ABTB3: variants seen among roughly 807,000 people sequenced by gnomAD.
The protein encoded by ABTB3 is ankyrin repeat- and BTB/POZ domain-containing protein 3.
chr12:107,412,809 A>G, the ABTB3 span, among the ~76,000 whole-genome samples: 1 of 151,844 alleles, frequency 6.6e-6, no homozygotes, highest in East Asian at 1.9e-4. Context: ...CTACCCATCT[A>G]GTGTCTGGAT....
the ABTB3 span, among the ~76,000 whole-genome samples, chr12:107,462,157 TG>T: frequency 6.6e-6 from 1 of 152,262 alleles, no homozygotes; most frequent in African/African-American, 2.4e-5. Context: ...TCCTCATTTT[TG>T]TACTGTTTTA....
At chr12:107,457,396 T>C in the ABTB3 span, among the ~76,000 whole-genome samples, 1 of 152,244 alleles carries the variant, frequency 6.6e-6, no homozygotes, top group Non-Finnish European at 1.5e-5. Context: ...TGCCGAAAGA[T>C]AGACTCCGAA....
the ABTB3 span, among the ~76,000 whole-genome samples, chr12:107,370,432 G>C: frequency 6.6e-6 from 1 of 152,260 alleles, no homozygotes; most frequent in South Asian, 2.1e-4. Flanking sequence ...GGTAGATGTA[G>C]ATGCTTAGCC....
At chr12:107,564,084 ATC>A in the ABTB3 span, among the ~76,000 whole-genome samples, 1,857 of 104,846 alleles carry the variant, frequency 0.018, 49 homozygotes, top group Admixed American at 0.053. Flanking sequence ...CTCTCTATCT[ATC>A]TCTCTGTGTG....
the ABTB3 span, among the ~76,000 whole-genome samples, chr12:107,548,026 G>T: frequency 6.6e-6 from 1 of 152,206 alleles, no homozygotes; most frequent in Non-Finnish European, 1.5e-5. Context: ...AGGTTTTAGT[G>T]TTTAGCACTG....
the ABTB3 span, among the ~76,000 whole-genome samples, chr12:107,491,523 A>G: frequency 6.6e-6 from 1 of 152,104 alleles, no homozygotes; most frequent in Non-Finnish European, 1.5e-5. Flanking sequence ...CGGGTTAACA[A>G]CCATGAGCCA....
At chr12:107,639,878 G>C in the ABTB3 span, among the ~76,000 whole-genome samples, 7 of 152,178 alleles carry the variant, frequency 4.6e-5, no homozygotes, top group African/African-American at 1.7e-4. Context: ...GAAGGGAACA[G>C]GCTCATTTGT....
At chr12:107,540,351 T>C in the ABTB3 span, among the ~76,000 whole-genome samples, 1 of 152,184 alleles carries the variant, frequency 6.6e-6, no homozygotes, top group South Asian at 2.1e-4. Context: ...CTTTTTGTTC[T>C]ATCCAGGCCT....
chr12:107,616,234 G>A, the ABTB3 span, among the ~76,000 whole-genome samples: 1 of 152,188 alleles, frequency 6.6e-6, no homozygotes, highest in African/African-American at 2.4e-5. Context: ...TCAGGAATGG[G>A]AACAGTAAGC....
At chr12:107,505,305 A>G in the ABTB3 span, among the ~76,000 whole-genome samples, 1 of 152,178 alleles carries the variant, frequency 6.6e-6, no homozygotes, top group Non-Finnish European at 1.5e-5. Context: ...GACGTAATGA[A>G]TCAGGACCAG....
chr12:107,363,917 G>A, the ABTB3 span, among the ~76,000 whole-genome samples: 2 of 152,308 alleles, frequency 1.3e-5, no homozygotes, highest in Admixed American at 1.3e-4. Flanking sequence ...GTACCCTCTA[G>A]CTATATGATC....
chr12:107,602,429 T>G, the ABTB3 span, among the ~76,000 whole-genome samples: 1 of 152,270 alleles, frequency 6.6e-6, no homozygotes, highest in Non-Finnish European at 1.5e-5. Context: ...CTTTGTAATT[T>G]ATTTAATGAT....
chr12:107,394,434 G>T, the ABTB3 span, among the ~76,000 whole-genome samples: 2 of 152,098 alleles, frequency 1.3e-5, no homozygotes, highest in Admixed American at 1.3e-4. Flanking sequence ...TTCTGATCTT[G>T]GCTTCTCTGG....
the ABTB3 span, among the ~76,000 whole-genome samples, chr12:107,539,013 G>T: frequency 6.6e-6 from 1 of 152,314 alleles, no homozygotes; most frequent in South Asian, 2.1e-4. Context: ...TCCAACTCCA[G>T]GTTGGAGTCA....
the ABTB3 span, among the ~76,000 whole-genome samples, chr12:107,340,082 C>T: frequency 5.3e-5 from 8 of 151,438 alleles, no homozygotes; most frequent in Admixed American, 2.0e-4. Flanking sequence ...TGCCCCCCAA[C>T]GAAATTGTTG....
At chr12:107,334,351 G>A in the ABTB3 span, among the ~76,000 whole-genome samples, 90 of 152,268 alleles carry the variant, frequency 5.9e-4, no homozygotes, top group African/African-American at 2.0e-3. Context: ...GCTTCTGGCT[G>A]TAACTAAAAG....
the ABTB3 span, among the ~76,000 whole-genome samples, chr12:107,470,008 C>T: frequency 1.0e-5 from 1 of 96,420 alleles, no homozygotes; most frequent in Non-Finnish European, 2.1e-5. Flanking sequence ...TTCTTTCTTT[C>T]TTTCTCTCTC....
chr12:107,468,085 C>T, the ABTB3 span, among the ~76,000 whole-genome samples: 2 of 152,266 alleles, frequency 1.3e-5, no homozygotes, highest in South Asian at 2.1e-4. Context: ...AACCGAGAAA[C>T]GCCAGTCATC....
the ABTB3 span, among the ~76,000 whole-genome samples, chr12:107,333,450 G>A: frequency 6.6e-6 from 1 of 152,108 alleles, no homozygotes; most frequent in Non-Finnish European, 1.5e-5. Flanking sequence ...AGCACTTGAG[G>A]GTTTAGTGCC....
Sources: gnomAD v4.1 joint callset for allele counts (sites outside exome capture counted in the v4.1 genomes callset) on GRCh38, gnomAD v4.1.1 for gene constraint, MANE v1.5 for transcripts, NCBI Gene and HGNC (gene_info 2026-07-23, HGNC 2026-07-21) for gene names.